CALN1: variants seen among roughly 807,000 people sequenced by gnomAD.
The protein encoded by CALN1 is calcium-binding protein 8.
A neutral mutation model predicts 30.6 loss-of-function variants in CALN1; 17 were observed. The observed-to-expected ratio is 0.56, with a 90% confidence interval of 0.38 to 0.83. The LOEUF is 0.83. CALN1 is among the 40% of genes least tolerant of loss of function. CALN1 has a pLI of 0.00. For synonymous variants in CALN1, 156 were observed against 131.4 expected (o/e 1.19, Z -1.28); for missense variants, 291 against 354.9 (o/e 0.82, Z 1.45).
intron 3 of CALN1, among the ~76,000 whole-genome samples, chr7:72,134,239 G>T (rs1369290448): frequency 6.6e-6 from 1 of 152,156 alleles, no homozygotes; most frequent in Non-Finnish European, 1.5e-5. Context: ...CTGGCACCTT[G>T]ATCTTAGACT....
At chr7:72,044,471 C>G (rs1367537805) in intron 4 of CALN1, among the ~76,000 whole-genome samples, 2 of 152,014 alleles carry the variant, frequency 1.3e-5, no homozygotes, top group African/African-American at 4.8e-5. Flanking sequence ...TCTCAGGGAT[C>G]CATATGGAAG....
At position 72,120,015 on chromosome 7, in the gene CALN1, T is replaced by C. The variant is rs116065389; in HGVS notation, c.245-13721A>G. Reference sequence around the variant, plus strand: ...TGTGCACGTTCGTTCCATGGGTATATTGTGTGATGCTGAGGCTTGGGGCAA... The same window carrying C: ...TGTGCACGTTCGTTCCATGGGTATACTGTGTGATGCTGAGGCTTGGGGCAA... On this transcript the variant is annotated intron_variant, in intron 3 of 6. Coordinates refer to ENST00000395275, the MANE Select transcript of CALN1 (RefSeq NM_031468.4). Among the ~76,000 whole-genome samples, 863 of 152,230 alleles carry C rather than the reference T, an allele frequency of 5.7e-3. 11 individuals carry two copies. Among genetic ancestry groups the C allele is most frequent in the African/African-American group, 0.019 (792 of 41,532 alleles).
chr7:72,458,272 TATATA>T, the CALN1 span, among the ~76,000 whole-genome samples: 3 of 66,410 alleles, frequency 4.5e-5, no homozygotes, highest in East Asian at 6.9e-4. Context: ...TATTCTATAT[TATATA>T]ATATATTTTA....
At chr7:72,311,142 G>A (rs779291909) in intron 2 of CALN1, among the ~76,000 whole-genome samples, 33 of 151,828 alleles carry the variant, frequency 2.2e-4, no homozygotes, top group Non-Finnish European at 2.5e-4. Flanking sequence ...TCTACTCAAC[G>A]CAAAGATGAT....
intron 5 of CALN1, among the ~76,000 whole-genome samples, chr7:71,925,104 G>T (rs142715953): frequency 1.3e-5 from 2 of 152,170 alleles, no homozygotes; most frequent in East Asian, 3.9e-4. Context: ...AGCTGGGCAT[G>T]GTGGCACATG....
chr7:71,910,241 TGA>T (rs1794357105), intron 5 of CALN1, among the ~76,000 whole-genome samples: 1 of 152,160 alleles, frequency 6.6e-6, no homozygotes, highest in African/African-American at 2.4e-5. Context: ...ACGCCAGACC[TGA>T]GAGTTTGCCA....
At chr7:71,867,462 G>A (rs1315822296) in intron 5 of CALN1, among the ~76,000 whole-genome samples, 1 of 151,732 alleles carries the variant, frequency 6.6e-6, no homozygotes, top group African/African-American at 2.4e-5. Context: ...TTGAGATAGA[G>A]TCTAGCTCTG....
intron 5 of CALN1, among the ~76,000 whole-genome samples, chr7:71,863,284 A>G (rs961257072): frequency 7.9e-5 from 12 of 151,186 alleles, no homozygotes; most frequent in African/African-American, 2.7e-4. Flanking sequence ...AAGGCCAGGC[A>G]CAGTGGCTCA....
Position 72,125,132 on chromosome 7 carries a change from G to A in CALN1, c.245-18838C>T, listed in dbSNP as rs553043022. 1.1e-4 allele frequency among the ~76,000 whole-genome samples: 16 copies of A among 152,192 alleles called. 1 individual carries two copies. In the South Asian group the frequency reaches 1.5e-3, roughly 14 times the overall value. ...CAACCTCTGCCTCCCAGGTTCAAGC[G>A]ATTCCTGTGCCTCAGCGTCCTAAAT... On this transcript the variant is annotated intron_variant, in intron 3 of 6. Transcript: ENST00000395275.
intron 6 of CALN1, among the ~76,000 whole-genome samples, chr7:71,806,735 G>T (rs1423816125): frequency 6.6e-6 from 1 of 152,092 alleles, no homozygotes. Flanking sequence ...CCCCCAGGGA[G>T]CTGACTTACC....
At chr7:72,213,678 T>G (rs148885106) in intron 3 of CALN1, among the ~76,000 whole-genome samples, 45 of 152,234 alleles carry the variant, frequency 3.0e-4, no homozygotes, top group African/African-American at 9.9e-4. Context: ...TAGGGTTGAG[T>G]TGGGGACAGA....
intron 3 of CALN1, among the ~76,000 whole-genome samples, chr7:72,267,363 GC>G (rs1796667229): frequency 6.6e-6 from 1 of 152,164 alleles, no homozygotes; most frequent in South Asian, 2.1e-4. Flanking sequence ...CATGCTCATG[GC>G]CAGCCTTTCC....
intron 2 of CALN1, among the ~76,000 whole-genome samples, chr7:72,364,501 G>C (rs746001679): frequency 5.3e-5 from 8 of 152,152 alleles, no homozygotes; most frequent in Admixed American, 1.3e-4. Context: ...GCTTCATAAG[G>C]AAAGGAGTTT....
At position 72,054,512 on chromosome 7, in the gene CALN1, T is replaced by TAC. The variant is rs1803104570; in HGVS notation, c.389-30744_389-30743insGT. Among the ~76,000 whole-genome samples the TAC allele has an allele frequency of 7.1e-5, 4 of 56,538 alleles. 1 individual carries two copies. In the Admixed American group the frequency reaches 8.5e-4, roughly 12 times the overall value. The allele number at this position is 56,538 out of a possible 152,430, so 37.1% of individuals were successfully genotyped here. ...ATATACATATATACATATATATACA[T>TAC]ATATATACATATATACATACATATA... On this transcript the variant is annotated intron_variant, in intron 4 of 6. Transcript: ENST00000395275.
intron 5 of CALN1, among the ~76,000 whole-genome samples, chr7:71,962,340 C>A (rs1797290485): frequency 6.6e-6 from 1 of 152,126 alleles, no homozygotes; most frequent in Non-Finnish European, 1.5e-5. Context: ...GAGTTTGAGG[C>A]TGCAGTGAGC....
chr7:72,318,732 T>G (rs1399643352), intron 2 of CALN1, among the ~76,000 whole-genome samples: 10 of 109,782 alleles, frequency 9.1e-5, no homozygotes, highest in South Asian at 3.0e-4. Flanking sequence ...TTTTTTTTTT[T>G]GTAGAGACAG....
chr7:72,253,329 A>C (rs1297960842), intron 3 of CALN1, among the ~76,000 whole-genome samples: 2 of 152,198 alleles, frequency 1.3e-5, no homozygotes, highest in Non-Finnish European at 2.9e-5. Context: ...CTTCATCCTT[A>C]CAACTTTCTT....
rs1480500044 is a variant in CALN1 at position 71,972,007 on chromosome 7, A to AG, written c.501+51649_501+51650insC. Among the ~76,000 whole-genome samples the AG allele has an allele frequency of 3.0e-3, 422 of 138,372 alleles. 6 individuals carry two copies. Among genetic ancestry groups the AG allele is most frequent in the Admixed American group, 0.02 (252 of 12,602 alleles). The allele number at this position is 138,372 out of a possible 152,430, so 90.8% of individuals were successfully genotyped here. On this transcript the variant is annotated intron_variant, in intron 5 of 6. Transcript: ENST00000395275. ...AAAGAAAGAAAGAGAAAGAAAGAAAAAAAGAAAGAAAAGAAAGAAAGAAAG... is the reference window on the plus strand; with the variant it reads ...AAAGAAAGAAAGAGAAAGAAAGAAAAGAAAGAAAGAAAAGAAAGAAAGAAAG...
At chr7:72,180,598 C>CTTTTTTTTTTTTTTTT (rs1302000058) in intron 3 of CALN1, among the ~76,000 whole-genome samples, 1 of 85,754 alleles carries the variant, frequency 1.2e-5, no homozygotes, top group Non-Finnish European at 2.6e-5. Context: ...ACTGTTTATG[C>CTTTTTTTTTTTTTTTT]TTTTTTTTCT....
Sources: gnomAD v4.1 joint callset for allele counts (sites outside exome capture counted in the v4.1 genomes callset) on GRCh38, gnomAD v4.1.1 for gene constraint, MANE v1.5 for transcripts, NCBI Gene and HGNC (gene_info 2026-07-23, HGNC 2026-07-21) for gene names.